Variants in HORMAD2 observed in about 807,000 individuals in gnomAD.
HORMAD2 encodes the protein HORMA domain-containing protein 2.
In HORMAD2, 45 loss-of-function variants were observed where a neutral mutation model predicts 38.8. The ratio of observed to expected loss-of-function variants is 1.16; its 90% CI spans 0.91 to 1.49. HORMAD2 has a LOEUF of 1.49. Ranked by LOEUF, HORMAD2 falls within the 40% of genes most tolerant of loss-of-function variation. HORMAD2 has a pLI of 0.00. For synonymous variants in HORMAD2, 126 were observed against 122.8 expected (o/e 1.03, Z -0.17); for missense variants, 338 against 367.0 (o/e 0.92, Z 0.65).
Position 30,152,950 on chromosome 22 carries a change from C to T in HORMAD2, c.820-23113C>T, listed in dbSNP as rs112129005. Among the ~76,000 whole-genome samples the T allele has an allele frequency of 5.5e-3, 836 of 152,236 alleles. 8 individuals carry two copies. Among genetic ancestry groups the T allele is most frequent in the African/African-American group, 0.019 (782 of 41,544 alleles). ...ATCCCCAAGAGCTCCAGTTCTATAT[C>T]TTTAACCTTCTTTCGGGCATTTGTG... On this transcript the variant is annotated intron_variant, in intron 10 of 10. Transcript: ENST00000336726.
the HORMAD2 span, among the ~76,000 whole-genome samples, chr22:30,204,195 G>A: frequency 5.3e-3 from 813 of 152,256 alleles, 4 homozygotes; most frequent in African/African-American, 0.017. Flanking sequence ...CAGCTTGACA[G>A]ACAGATGGTA....
intron 7 of HORMAD2, among the ~76,000 whole-genome samples, chr22:30,116,317 G>A (rs1922042847): frequency 6.6e-6 from 1 of 152,146 alleles, no homozygotes; most frequent in African/African-American, 2.4e-5. Context: ...TTTTAAGGGT[G>A]GTGAGAAGCT....
chr22:30,088,127 A>G lies in HORMAD2; in HGVS notation c.-37-5789A>G, dbSNP rs888629560. Among the ~76,000 whole-genome samples the G allele has an allele frequency of 5.6e-5, 8 of 143,400 alleles. No homozygotes were observed. In the Middle Eastern group the frequency reaches 0.011, roughly 193 times the overall value. The allele number at this position is 143,400 out of a possible 152,430, so 94.1% of individuals were successfully genotyped here. ...CACACGTGTACATATACACACACGT[A>G]CACATGTGTACATATACACATATGT... On this transcript the variant is annotated intron_variant, in intron 1 of 10. Transcript: ENST00000336726.
chr22:30,103,524 A>T (rs1399389089), intron 4 of HORMAD2, 24 bp downstream of exon 4: 1 of 1,237,960 alleles, frequency 8.1e-7, no homozygotes, highest in East Asian at 2.6e-5. Flanking sequence ...ATTCTATAAA[A>T]GTTGAACAAC....
intron 10 of HORMAD2, among the ~76,000 whole-genome samples, chr22:30,163,949 C>G (rs972105174): frequency 6.6e-6 from 1 of 152,018 alleles, no homozygotes; most frequent in Non-Finnish European, 1.5e-5. Flanking sequence ...ACAATAATTC[C>G]TCATCTCCCT....
chr22:30,105,630 G>A (rs765376169), intron 5 of HORMAD2, among the ~76,000 whole-genome samples: 36 of 152,186 alleles, frequency 2.4e-4, no homozygotes, highest in Non-Finnish European at 7.3e-5. Flanking sequence ...ACTGACCAGA[G>A]GGACCTAGGG....
chr22:30,168,466 C>T (rs1407679471), intron 10 of HORMAD2, among the ~76,000 whole-genome samples: 1 of 152,178 alleles, frequency 6.6e-6, no homozygotes, highest in Non-Finnish European at 1.5e-5. Flanking sequence ...TGGTGGACAT[C>T]TTCATTTGGA....
At chr22:30,105,609 A>G (rs1413165207) in intron 5 of HORMAD2, among the ~76,000 whole-genome samples, 2 of 152,186 alleles carry the variant, frequency 1.3e-5, no homozygotes, top group African/African-American at 4.8e-5. Flanking sequence ...GTTACTTATG[A>G]TTTATTCAAC....
chr22:30,126,949 C>G (rs917270823), intron 10 of HORMAD2, among the ~76,000 whole-genome samples: 3 of 152,024 alleles, frequency 2.0e-5, no homozygotes, highest in African/African-American at 7.2e-5. Flanking sequence ...CTAATTTTAA[C>G]TAATGAAGAG....
chr22:30,163,931 C>A (rs1925612476), intron 10 of HORMAD2, among the ~76,000 whole-genome samples: 1 of 152,092 alleles, frequency 6.6e-6, no homozygotes, highest in Non-Finnish European at 1.5e-5. Flanking sequence ...AAACTCTATA[C>A]CCATTAAACA....
At chr22:30,101,507 T>C (rs937191812) in intron 3 of HORMAD2, among the ~76,000 whole-genome samples, 1 of 151,640 alleles carries the variant, frequency 6.6e-6, no homozygotes, top group African/African-American at 2.4e-5. Flanking sequence ...ACCTAGATGA[T>C]GGGTTGATGG....
At position 30,091,262 on chromosome 22, in the gene HORMAD2, CTTTCT is replaced by C. The variant is rs1457763911; in HGVS notation, c.-37-2650_-37-2646del. ...TCTCTCTCTCTTTCTTTCTCTCTTT[CTTTCT>C]TTTTTTTTTTTTTTTTTGACAGAGT... On this transcript the variant is annotated intron_variant, in intron 1 of 10. Transcript: ENST00000336726. 6.3e-4 allele frequency among the ~76,000 whole-genome samples: 74 copies of C among 116,632 alleles called. 1 individual carries two copies. Among genetic ancestry groups the C allele is most frequent in the African/African-American group, 3.1e-3 (70 of 22,704 alleles). The allele number at this position is 116,632 out of a possible 152,430, so 76.5% of individuals were successfully genotyped here.
chr22:30,148,733 G>C (rs1201366172), intron 10 of HORMAD2, among the ~76,000 whole-genome samples: 1 of 152,114 alleles, frequency 6.6e-6, no homozygotes, highest in African/African-American at 2.4e-5. Context: ...CGCCAGGCAC[G>C]GTGGCTCACA....
chr22:30,130,202 T>G (rs1355382098), intron 10 of HORMAD2, among the ~76,000 whole-genome samples: 1 of 152,188 alleles, frequency 6.6e-6, no homozygotes, highest in African/African-American at 2.4e-5. Context: ...AATACAATTT[T>G]CTTTTTCAGG....
intron 10 of HORMAD2, among the ~76,000 whole-genome samples, chr22:30,146,222 G>A (rs1337467747): frequency 6.6e-6 from 1 of 152,228 alleles, no homozygotes; most frequent in Non-Finnish European, 1.5e-5. Context: ...GCCAGGCGCA[G>A]TGGCTCATGC....
At chr22:30,206,111 A>T in the HORMAD2 span, among the ~76,000 whole-genome samples, 1 of 151,862 alleles carries the variant, frequency 6.6e-6, no homozygotes, top group Non-Finnish European at 1.5e-5. Flanking sequence ...AGGAGCCATT[A>T]TTCTCACCCC....
At chr22:30,141,537 T>C (rs5997579) in intron 10 of HORMAD2, among the ~76,000 whole-genome samples, 82,930 of 151,402 alleles carry the variant, frequency 0.55, 23,661 homozygotes, top group African/African-American at 0.7. Context: ...ATTTGAGTTT[T>C]CCAAATCTTA....
chr22:30,110,947 G>C (rs1252844335), intron 5 of HORMAD2, among the ~76,000 whole-genome samples: 1 of 151,226 alleles, frequency 6.6e-6, no homozygotes, highest in Non-Finnish European at 1.5e-5. Flanking sequence ...CACAAGGTCA[G>C]AAGATCGAGA....
chr22:30,086,188 C>T (rs778556623), intron 1 of HORMAD2, among the ~76,000 whole-genome samples: 1 of 152,164 alleles, frequency 6.6e-6, no homozygotes, highest in Non-Finnish European at 1.5e-5. Flanking sequence ...TAAAACATGC[C>T]TCCTTCTCCT....
Sources: gnomAD v4.1 joint callset for allele counts (sites outside exome capture counted in the v4.1 genomes callset) on GRCh38, gnomAD v4.1.1 for gene constraint, MANE v1.5 for transcripts, NCBI Gene and HGNC (gene_info 2026-07-23, HGNC 2026-07-21) for gene names.